FOXK1: variants seen among roughly 807,000 people sequenced by gnomAD.
FOXK1 encodes forkhead box K1.
In FOXK1, 19 loss-of-function variants were observed where a neutral mutation model predicts 51.9. That is an observed-to-expected ratio of 0.37 (90% CI 0.26 to 0.54). The LOEUF is 0.54. Among genes scored for constraint, FOXK1 ranks in the 20% least tolerant of loss-of-function variants. The pLI is 0.87. For missense variants in FOXK1, 870 were observed against 1,032.7 expected (o/e 0.84, Z 2.16); for synonymous variants, 537 against 482.6 (o/e 1.11, Z -1.48).
chr7:4,709,402 C>T lies in FOXK1; in HGVS notation c.560+26534C>T, dbSNP rs1780146237. ...TTCCATTCTCAGGGTCTGGACAGGG[C>T]CAGGCTCTTCCCAAGCGCACAGTCC... On this transcript the variant is annotated intron_variant, in intron 1 of 8. Coordinates refer to ENST00000328914, the MANE Select transcript of FOXK1 (RefSeq NM_001037165.2). The surrounding 1 kb of genome is among the most constrained non-coding windows in gnomAD (Gnocchi z 5.6). 6.6e-6 allele frequency among the ~76,000 whole-genome samples: 1 copy of T among 152,182 alleles called. No individual in the cohort carries two copies. Among genetic ancestry groups the T allele is most frequent in the Admixed American group, 6.5e-5 (1 of 15,282 alleles).
chr7:4,728,298 A>G (rs1268869615), intron 1 of FOXK1, among the ~76,000 whole-genome samples: 1 of 151,992 alleles, frequency 6.6e-6, no homozygotes, highest in African/African-American at 2.4e-5. Flanking sequence ...AAGTCTAATC[A>G]TTTCTCTGTG....
At position 4,734,882 on chromosome 7, in the gene FOXK1, G is replaced by A. The variant is rs768100486; in HGVS notation, c.561-5956G>A. Among the ~76,000 whole-genome samples the A allele has an allele frequency of 2.6e-5, 4 of 152,184 alleles. No individual in the cohort carries two copies. The highest frequency in any genetic ancestry group is 4.8e-5 in the African/African-American group (2 of 41,428). ...GGGAGAGACGGGGCGAGGGGACAGC[G>A]GTGGACAGGAGCGATCTGTCACATT... On this transcript the variant is annotated intron_variant, in intron 1 of 8. Coordinates refer to ENST00000328914, the MANE Select transcript of FOXK1 (RefSeq NM_001037165.2). The surrounding 1 kb of genome is among the most constrained non-coding windows in gnomAD (Gnocchi z 5.2).
Position 4,747,047 on chromosome 7 carries a change from T to C in FOXK1, c.746+6024T>C, listed in dbSNP as rs988623273. On this transcript the variant is annotated intron_variant, in intron 2 of 8. Transcript: ENST00000328914. The surrounding 1 kb of genome is among the most constrained non-coding windows in gnomAD (Gnocchi z 9.2). Reference sequence around the variant, plus strand: ...CCTAGATCCCTTCGAGGGGCAACTTTGGCGCTAAAGTGTTGGGAGTTCGGA... The same window carrying C: ...CCTAGATCCCTTCGAGGGGCAACTTCGGCGCTAAAGTGTTGGGAGTTCGGA... Among the ~76,000 whole-genome samples the C allele has an allele frequency of 6.6e-6, 1 of 152,240 alleles. No individual in the cohort carries two copies. The highest frequency in any genetic ancestry group is 1.9e-4 in the East Asian group (1 of 5,198).
rs978730418 is a variant in FOXK1, at chr7:4,703,796, G to A, written c.560+20928G>A. On this transcript the variant is annotated intron_variant, in intron 1 of 8. Transcript: ENST00000328914. The surrounding 1 kb of genome is among the most constrained non-coding windows in gnomAD (Gnocchi z 5.6). ...GATAAAAGTAGGTGAAAAGGGAATC[G>A]CAGCCTGCCGAGAGCTTTAGAGAGA... Among the ~76,000 whole-genome samples, 2 of 152,048 alleles carry A rather than the reference G, an allele frequency of 1.3e-5. No homozygotes were observed. The highest frequency in any genetic ancestry group is 2.9e-5 in the Non-Finnish European group (2 of 68,022).
At position 4,755,516 on chromosome 7, in the gene FOXK1, G is replaced by A. The variant is rs1486683341; in HGVS notation, c.1050+133G>A. 2.4e-6 allele frequency: 3 copies of A among 1,239,384 alleles called. No homozygotes were observed. In the African/African-American group the frequency reaches 4.5e-5, roughly 19 times the overall value. The allele number at this position is 1,239,384 out of a possible 1,614,324, so 76.8% of individuals were successfully genotyped here. On this transcript the variant is annotated intron_variant, in intron 4 of 8. Transcript: ENST00000328914. The surrounding 1 kb of genome is among the most constrained non-coding windows in gnomAD (Gnocchi z 6.6). ...CGCCTGGAACCCTAGCATTTTGTGA[G>A]GCCGAGGCAGGAGGAGGATCAAGAC...
intron 1 of FOXK1, among the ~76,000 whole-genome samples, chr7:4,737,554 G>C (rs1157490553): frequency 3.4e-5 from 5 of 148,552 alleles, no homozygotes; most frequent in Non-Finnish European, 7.5e-5. Context: ...GTGCGTGCCT[G>C]TGTGTGTGTG....
At chr7:4,704,834 C>CTTTT (rs775099211) in intron 1 of FOXK1, among the ~76,000 whole-genome samples, 2 of 131,396 alleles carry the variant, frequency 1.5e-5, no homozygotes, top group African/African-American at 6.4e-5. Context: ...ATGTTTCATT[C>CTTTT]TTTTTTTTTT....
At chr7:4,726,789 G>T (rs1259855142) in intron 1 of FOXK1, among the ~76,000 whole-genome samples, 1 of 152,216 alleles carries the variant, frequency 6.6e-6, no homozygotes, top group African/African-American at 2.4e-5. Context: ...AGGGGGAAAT[G>T]ACAACACAGG....
rs570988366 is a variant in FOXK1, at chr7:4,728,491, C to T, written c.561-12347C>T. 2.0e-4 allele frequency among the ~76,000 whole-genome samples: 31 copies of T among 152,298 alleles called. No individual in the cohort carries two copies. The South Asian group carries it at 6.0e-3, about 30-fold the overall frequency. ...AACTGCATGGTTATGAACTCTTACT[C>T]GTGTGCACTAAAGTGCACGTGCTGT... On this transcript the variant is annotated intron_variant, in intron 1 of 8. Coordinates refer to ENST00000328914, the MANE Select transcript of FOXK1 (RefSeq NM_001037165.2).
intron 2 of FOXK1, among the ~76,000 whole-genome samples, chr7:4,742,647 G>T (rs1363035379): frequency 6.6e-6 from 1 of 152,062 alleles, no homozygotes. Flanking sequence ...AAACCCCTGG[G>T]CTCAAGAGAT....
intron 1 of FOXK1, among the ~76,000 whole-genome samples, chr7:4,719,460 T>TTG (rs893701233): frequency 4.0e-5 from 6 of 151,160 alleles, no homozygotes; most frequent in Non-Finnish European, 5.9e-5. Context: ...TGTCTTAGCT[T>TTG]TGTGTTTCCC....
At position 4,768,358 on chromosome 7, in the gene FOXK1, T is replaced by C. The variant is rs1243735960; in HGVS notation, c.*5894T>C. ...CGTGTTAGCCAGGATGGTCTCGATCTCCTGACCTCGTGATCCGCCCGCCTC... is the reference window on the plus strand; with the variant it reads ...CGTGTTAGCCAGGATGGTCTCGATCCCCTGACCTCGTGATCCGCCCGCCTC... On this transcript the variant is annotated 3_prime_UTR_variant, in exon 9 of 9. Coordinates refer to ENST00000328914, the MANE Select transcript of FOXK1 (RefSeq NM_001037165.2). 5 of 150,522 alleles carry C rather than the reference T, an allele frequency of 3.3e-5. No individual in the cohort carries two copies. The highest frequency in any genetic ancestry group is 7.4e-5 in the Non-Finnish European group (5 of 67,892). 9.3% of individuals were successfully genotyped at this position (150,522 alleles called of 1,614,324 possible). A position where few individuals can be genotyped will look rare whatever the true frequency, so the allele number is the denominator to read the frequency against.
In FOXK1 at chr7:4,735,281, G is replaced by A. The variant is rs374834725; in HGVS notation, c.561-5557G>A. ...GCCATCAGCTTCTGGGTGGACCTGGGAAAAACCCAGGGCTGGAGTAGACCC... is the reference window on the plus strand; with the variant it reads ...GCCATCAGCTTCTGGGTGGACCTGGAAAAAACCCAGGGCTGGAGTAGACCC... On this transcript the variant is annotated intron_variant, in intron 1 of 8. Transcript: ENST00000328914. The surrounding 1 kb of genome is among the most constrained non-coding windows in gnomAD (Gnocchi z 4.7). 2.0e-5 allele frequency among the ~76,000 whole-genome samples: 3 copies of A among 152,266 alleles called. No individual in the cohort carries two copies. The East Asian group carries it at 5.8e-4, about 29-fold the overall frequency.
intron 3 of FOXK1, chr7:4,754,901 C>A (rs527630713): frequency 4.3e-4 from 247 of 580,212 alleles, no homozygotes; most frequent in African/African-American, 2.4e-3. Context: ...GGCGTCAAAG[C>A]CTTCATACAG....
intron 1 of FOXK1, among the ~76,000 whole-genome samples, chr7:4,713,498 T>G (rs569037807): frequency 6.6e-6 from 1 of 151,808 alleles, no homozygotes; most frequent in South Asian, 2.1e-4. Flanking sequence ...GTTTTTTTTT[T>G]TGTTTTTTTT....
rs949041939 is a variant in FOXK1 at position 4,762,873 on chromosome 7, C to T, written c.*409C>T. On this transcript the variant is annotated 3_prime_UTR_variant, in exon 9 of 9. Transcript: ENST00000328914. The surrounding 1 kb of genome is among the most constrained non-coding windows in gnomAD (Gnocchi z 5.7). ...GGACAGACAGAAACGCAGCAAGGCACACACCAAGGCTGCCGGGGAGGCCCG... is the reference window on the plus strand; with the variant it reads ...GGACAGACAGAAACGCAGCAAGGCATACACCAAGGCTGCCGGGGAGGCCCG... 11 of 183,994 alleles carry T rather than the reference C, an allele frequency of 6.0e-5. No homozygotes were observed. In the East Asian group the frequency reaches 1.5e-3, roughly 25 times the overall value. The allele number at this position is 183,994 out of a possible 1,614,324, so 11.4% of individuals were successfully genotyped here. A position where few individuals can be genotyped will look rare whatever the true frequency, so the allele number is the denominator to read the frequency against.
In FOXK1 at chr7:4,682,460, G is replaced by GGCCGCCGCC. The variant is rs1027159877; in HGVS notation, c.162_170dup (p.Pro57_Pro59dup). 6 of 982,552 alleles carry GGCCGCCGCC rather than the reference G, an allele frequency of 6.1e-6. No homozygotes were observed. The highest frequency in any genetic ancestry group is 1.8e-5 in the African/African-American group (1 of 56,346). The allele number at this position is 982,552 out of a possible 1,614,324, so 60.9% of individuals were successfully genotyped here. ...CCCGCGCAGCCCCAGCCTCCGCCCG[G>GGCCGCCGCC]GCCGCCGCCGCCGCCGCCACCGCCG... On this transcript the variant is annotated inframe_insertion, in exon 1 of 9. Transcript: ENST00000328914. The surrounding 1 kb of genome is among the most constrained non-coding windows in gnomAD (Gnocchi z 7.6).
chr7:4,716,241 A>AAAAG (rs565710819), intron 1 of FOXK1, among the ~76,000 whole-genome samples: 8 of 151,450 alleles, frequency 5.3e-5, no homozygotes, highest in Non-Finnish European at 5.9e-5. Context: ...AAAAAAAAAA[A>AAAAG]AAAGAAAGAA....
Position 4,758,334 on chromosome 7 carries a change from A to G in FOXK1, c.1245-717A>G, listed in dbSNP as rs1444333064. 1 of 152,224 alleles carries G rather than the reference A, an allele frequency of 6.6e-6. No individual in the cohort carries two copies. Among genetic ancestry groups the G allele is most frequent in the Non-Finnish European group, 1.5e-5 (1 of 68,074 alleles). The allele number at this position is 152,224 out of a possible 1,614,324, so 9.4% of individuals were successfully genotyped here. A position where few individuals can be genotyped will look rare whatever the true frequency, so the allele number is the denominator to read the frequency against. The stretch of plus-strand genomic sequence containing the variant: ...CCAAGCCCAGTCTGGAGGAGCATGC[A>G]CCGCCTGTGAGCGGTCTGGGCAGCG... On this transcript the variant is annotated intron_variant, in intron 5 of 8. Coordinates refer to ENST00000328914, the MANE Select transcript of FOXK1 (RefSeq NM_001037165.2). This position sits in a 1 kb window ranked among gnomAD's most constrained non-coding sequence, Gnocchi z 4.4.
Sources: allele counts gnomAD v4.1 joint callset (sites outside exome capture counted in the v4.1 genomes callset), GRCh38; gene constraint gnomAD v4.1.1; non-coding constraint Gnocchi (gnomAD v3.1); transcripts MANE v1.5; gene names NCBI Gene and HGNC (gene_info 2026-07-23, HGNC 2026-07-21).